Variants in CYB5A observed in about 807,000 individuals in gnomAD.
CYB5A encodes cytochrome b5.
A neutral mutation model predicts 16.2 loss-of-function variants in CYB5A; 10 were observed. The ratio of observed to expected loss-of-function variants is 0.62; its 90% CI spans 0.38 to 1.04. The LOEUF is 1.04. Among genes scored for constraint, CYB5A ranks in the 50% least tolerant of loss-of-function variants. The probability of loss-of-function intolerance (pLI) is 0.01; values close to 1 mark genes in which losing one functional copy is unlikely to be tolerated. For missense variants in CYB5A, 161 were observed against 165.9 expected (o/e 0.97, Z 0.16); for synonymous variants, 62 against 57.0 (o/e 1.09, Z -0.40).
Position 74,262,234 on chromosome 18 carries a change from A to G in CYB5A, c.258+1115T>C, listed in dbSNP as rs538485895. ...TCTGGGAGGCCTAGGTAGGTGGATT[A>G]CCTGAGGTCAGGAGTACAAGGCCAA... On this transcript the variant is annotated intron_variant, in intron 2 of 4. Coordinates refer to ENST00000340533, the MANE Select transcript of CYB5A (RefSeq NM_148923.4). Among the ~76,000 whole-genome samples the G allele has an allele frequency of 2.0e-4, 31 of 152,286 alleles. No individual in the cohort carries two copies. The East Asian group carries it at 4.3e-3, about 21-fold the overall frequency.
rs144090635 is a variant in CYB5A, at chr18:74,274,939, G to A, written c.130-11462C>T. Among the ~76,000 whole-genome samples the A allele has an allele frequency of 9.8e-4, 149 of 152,258 alleles. 1 individual carries two copies. Among genetic ancestry groups the A allele is most frequent in the African/African-American group, 3.3e-3 (136 of 41,546 alleles). ...CCAGGGAGGGCCTCTGGCTGCAGCC[G>A]CCAGCTGGTCTTCCTCACTCCAATC... On this transcript the variant is annotated intron_variant, in intron 1 of 4. Coordinates refer to ENST00000340533, the MANE Select transcript of CYB5A (RefSeq NM_148923.4).
Position 74,263,841 on chromosome 18 carries a change from G to A in CYB5A, c.130-364C>T, listed in dbSNP as rs531351346. 1.1e-4 allele frequency among the ~76,000 whole-genome samples: 16 copies of A among 152,232 alleles called. No homozygotes were observed. In the South Asian group the frequency reaches 3.1e-3, roughly 30 times the overall value. On this transcript the variant is annotated intron_variant, in intron 1 of 4. Coordinates refer to ENST00000340533, the MANE Select transcript of CYB5A (RefSeq NM_148923.4). ...GTGGGAGGATGGCACAAGCTCAAGG[G>A]GCTGAGGCTTCAGTGAGCAGTGACT... is the stretch of plus-strand genomic sequence containing the variant.
chr18:74,284,405 G>A (rs1377512328), intron 1 of CYB5A, among the ~76,000 whole-genome samples: 3 of 152,032 alleles, frequency 2.0e-5, no homozygotes, highest in Non-Finnish European at 2.9e-5. Context: ...GGGGAGGGGA[G>A]GATTAAAGAA....
At chr18:74,277,269 G>A (rs1470064100) in intron 1 of CYB5A, among the ~76,000 whole-genome samples, 1 of 152,184 alleles carries the variant, frequency 6.6e-6, no homozygotes, top group African/African-American at 2.4e-5. Context: ...GTTGGTTTGA[G>A]TTCATCAGAC....
intron 4 of CYB5A, 57 bp downstream of exon 4, chr18:74,255,684 A>G: frequency 1.3e-5 from 19 of 1,477,332 alleles, no homozygotes; most frequent in Admixed American, 1.7e-5. Context: ...ACCTTGTCCA[A>G]CCTGGACCCA....
chr18:74,260,640 A>C, intron 3 of CYB5A: 1 of 490,790 alleles, frequency 2.0e-6, no homozygotes, highest in Non-Finnish European at 3.8e-6. Flanking sequence ...TGCTACCATA[A>C]AAAGTAGCTC....
chr18:74,287,650 T>A (rs1983369767), intron 1 of CYB5A, among the ~76,000 whole-genome samples: 1 of 152,144 alleles, frequency 6.6e-6, no homozygotes, highest in African/African-American at 2.4e-5. Flanking sequence ...GAAGCAAGTT[T>A]CCATTTTTAT....
intron 1 of CYB5A, among the ~76,000 whole-genome samples, chr18:74,288,373 G>GA (rs397965784): frequency 6.6e-6 from 1 of 152,140 alleles, no homozygotes; most frequent in African/African-American, 2.4e-5. Context: ...ACGGATGGGG[G>GA]ATCTCACAGT....
rs1631566 is a variant in CYB5A, at chr18:74,273,937, T to C, written c.130-10460A>G. Among the ~76,000 whole-genome samples, 1,202 of 152,338 alleles carry C rather than the reference T, an allele frequency of 7.9e-3. 13 individuals are homozygous for C. Among genetic ancestry groups the C allele is most frequent in the African/African-American group, 0.027 (1,133 of 41,574 alleles). On this transcript the variant is annotated intron_variant, in intron 1 of 4. Coordinates refer to ENST00000340533, the MANE Select transcript of CYB5A (RefSeq NM_148923.4). Reference sequence around the variant, plus strand: ...TTCTGGGCAATATTGGCATGCTCCATGGATGGCACGCCCAGGACTGTTCAC... The same window carrying C: ...TTCTGGGCAATATTGGCATGCTCCACGGATGGCACGCCCAGGACTGTTCAC...
At position 74,257,006 on chromosome 18, in the gene CYB5A, AC is replaced by A. The variant is rs1982011886; in HGVS notation, c.289-1232del. 3 of 623,406 alleles carry A rather than the reference AC, an allele frequency of 4.8e-6. No homozygotes were observed. In the African/African-American group the frequency reaches 5.5e-5, roughly 11 times the overall value. 38.6% of individuals were successfully genotyped at this position (623,406 alleles called of 1,614,324 possible). A position where few individuals can be genotyped will look rare whatever the true frequency, so the allele number is the denominator to read the frequency against. ...AATTGTGTATATATGAATAAAATTA[AC>A]AAAAATTACTAGAAATAATCAAAAT... is the stretch of plus-strand genomic sequence containing the variant. On this transcript the variant is annotated intron_variant, in intron 3 of 4. Transcript: ENST00000340533.
intron 1 of CYB5A, among the ~76,000 whole-genome samples, chr18:74,275,570 A>G (rs1982838788): frequency 6.6e-6 from 1 of 152,216 alleles, no homozygotes. Context: ...TCCTGAGCCT[A>G]ATCCTAATTA....
chr18:74,291,674 G>C (rs1983548683), intron 1 of CYB5A, 73 bp downstream of exon 1: 2 of 1,606,698 alleles, frequency 1.2e-6, no homozygotes, highest in Non-Finnish European at 1.7e-6. Context: ...GGCCGCGAAA[G>C]ACAGGTCATG....
At chr18:74,256,683 C>T in intron 3 of CYB5A, 1 of 747,082 alleles carries the variant, frequency 1.3e-6, no homozygotes, top group Non-Finnish European at 2.3e-6. Flanking sequence ...TGCAGTTTCC[C>T]AAAGCAAAGA....
intron 1 of CYB5A, among the ~76,000 whole-genome samples, chr18:74,267,765 C>T (rs1302541320): frequency 1.3e-5 from 2 of 152,164 alleles, no homozygotes; most frequent in Non-Finnish European, 2.9e-5. Context: ...TCCCAAAGAG[C>T]CTGAGCCAAA....
intron 1 of CYB5A, among the ~76,000 whole-genome samples, chr18:74,269,479 G>A (rs1239668813): frequency 6.6e-6 from 1 of 152,142 alleles, no homozygotes; most frequent in Non-Finnish European, 1.5e-5. Flanking sequence ...GCCAAGGAAA[G>A]CAGTGGAAGA....
chr18:74,277,684 A>G (rs919362046), intron 1 of CYB5A, among the ~76,000 whole-genome samples: 1 of 152,212 alleles, frequency 6.6e-6, no homozygotes, highest in African/African-American at 2.4e-5. Flanking sequence ...GAAAAGGCCC[A>G]GGAGGGGTCA....
At chr18:74,263,599 C>CTG (rs61343367) in intron 1 of CYB5A, 122 bp from the exon 2 acceptor site, 812,926 of 835,326 alleles carry the variant, frequency 0.97, 396,590 homozygotes, top group East Asian at 1. Context: ...CAACAGGAGA[C>CTG]TAACTTGTCC....
At position 74,291,778 on chromosome 18, in the gene CYB5A, T is replaced by C. The variant is rs1010427639; in HGVS notation, c.98A>G (p.Lys33Arg). 7.4e-6 allele frequency: 12 copies of C among 1,613,894 alleles called. No homozygotes were observed. Among genetic ancestry groups the C allele is most frequent in the Non-Finnish European group, 1.0e-5 (12 of 1,179,812 alleles). Residue 33 changes from lysine to arginine, a missense_variant, in exon 1 of 5, where the codon AAG (lysine) becomes AGG (arginine). Physicochemically the swap from Lys to Arg is conservative, Grantham distance 26. Coordinates refer to ENST00000340533, the MANE Select transcript of CYB5A (RefSeq NM_148923.4). ...CAGAAATTTGGTCAAATCGTACACCTTGTGGTGCAGGATCAGCCAGGTGCT... is the reference window on the plus strand; with the variant it reads ...CAGAAATTTGGTCAAATCGTACACCCTGTGGTGCAGGATCAGCCAGGTGCT... ...SKSTWLILHH[K>R]VYDLTKFLEE... is the part of the protein sequence containing the mutation.
At chr18:74,265,772 G>C (rs1982410891) in intron 1 of CYB5A, among the ~76,000 whole-genome samples, 1 of 152,202 alleles carries the variant, frequency 6.6e-6, no homozygotes, top group Admixed American at 6.5e-5. Flanking sequence ...TGGCGAGAGA[G>C]GAGGTGGTCC....
Sources: gnomAD v4.1 joint callset for allele counts (sites outside exome capture counted in the v4.1 genomes callset) on GRCh38, gnomAD v4.1.1 for gene constraint, MANE v1.5 for transcripts, NCBI Gene and HGNC (gene_info 2026-07-23, HGNC 2026-07-21) for gene names.